CDK19: variants seen among roughly 807,000 people sequenced by gnomAD.
The protein encoded by CDK19 is cyclin dependent kinase 19.
A neutral mutation model predicts 68.3 loss-of-function variants in CDK19; 20 were observed. The observed-to-expected ratio is 0.29, with a 90% CI of 0.21 to 0.43. The LOEUF (loss-of-function observed/expected upper bound fraction) is 0.43. Ranked by LOEUF, CDK19 falls within the 20% of genes least tolerant of loss-of-function variation. The pLI, the probability that CDK19 is intolerant of heterozygous loss-of-function variation, is 1.00. For missense variants in CDK19, 339 were observed against 623.5 expected, an observed-to-expected ratio of 0.54 and a Z score of 4.86; for synonymous variants, 221 against 222.8, an observed-to-expected ratio of 0.99 and a Z score of 0.07.
chr6:110,639,542 G>T (rs1165890064), intron 4 of CDK19, among the ~76,000 whole-genome samples: 2 of 152,158 alleles, frequency 1.3e-5, no homozygotes, highest in Admixed American at 1.3e-4. Flanking sequence ...CTAACCTCCA[G>T]ACGCTTACTA....
intron 2 of CDK19, among the ~76,000 whole-genome samples, chr6:110,673,164 T>C (rs1771162637): frequency 1.3e-5 from 2 of 152,202 alleles, no homozygotes; most frequent in African/African-American, 4.8e-5. Flanking sequence ...TGACTGTTCT[T>C]GGTATGTAGC....
Position 110,785,703 on chromosome 6 carries a change from G to A in CDK19, c.128+29306C>T, listed in dbSNP as rs1004805656. Reference sequence around the variant, plus strand: ...ACTTTATAGAAATACATCATAGGCCGGGCGCGGTGGCTCACACCTGTAATC... The same window carrying A: ...ACTTTATAGAAATACATCATAGGCCAGGCGCGGTGGCTCACACCTGTAATC... On this transcript the variant is annotated intron_variant, in intron 1 of 12. Coordinates refer to ENST00000368911, the MANE Select transcript of CDK19 (RefSeq NM_015076.5). Among the ~76,000 whole-genome samples the A allele has an allele frequency of 3.9e-5, 6 of 152,132 alleles. No homozygotes were observed. The South Asian group carries it at 8.3e-4, about 21-fold the overall frequency.
At chr6:110,815,682 A>G (rs1783592508), upstream of CDK19, 1 of 152,438 alleles carries the variant, frequency 6.6e-6, no homozygotes, top group Admixed American at 6.6e-5. Flanking sequence ...AGAAAGCTCG[A>G]AGTTCCAGTG....
chr6:110,712,172 T>C (rs558253354), intron 2 of CDK19, among the ~76,000 whole-genome samples: 1 of 152,342 alleles, frequency 6.6e-6, no homozygotes, highest in South Asian at 2.1e-4. Flanking sequence ...GTTTGGGAAA[T>C]GCTGACTCCA....
chr6:110,791,376 G>C (rs999303362), intron 1 of CDK19, among the ~76,000 whole-genome samples: 21 of 152,010 alleles, frequency 1.4e-4, no homozygotes, highest in African/African-American at 4.8e-4. Context: ...TATAATTAAA[G>C]ATATTATTGA....
intron 2 of CDK19, among the ~76,000 whole-genome samples, chr6:110,743,214 A>G (rs2114861618): frequency 6.6e-6 from 1 of 152,350 alleles, no homozygotes; most frequent in Middle Eastern, 3.4e-3. Flanking sequence ...GTCACTGTGC[A>G]ATACCATCCA....
intron 1 of CDK19, among the ~76,000 whole-genome samples, chr6:110,777,659 C>T (rs544777031): frequency 2.6e-5 from 4 of 152,232 alleles, no homozygotes; most frequent in South Asian, 4.1e-4. Context: ...GTCAAAAGAA[C>T]GAAAAGCAGG....
chr6:110,644,461 G>T (rs1270509521), intron 4 of CDK19, among the ~76,000 whole-genome samples: 2 of 152,040 alleles, frequency 1.3e-5, no homozygotes, highest in Non-Finnish European at 2.9e-5. Context: ...GCACAACAGG[G>T]TGACTACAGT....
At chr6:110,671,264 A>C (rs187956065) in intron 2 of CDK19, among the ~76,000 whole-genome samples, 1 of 152,310 alleles carries the variant, frequency 6.6e-6, no homozygotes, top group South Asian at 2.1e-4. Context: ...CACTTTGCGC[A>C]TAACAGACAG....
chr6:110,768,436 C>T (rs1291025772), intron 1 of CDK19, among the ~76,000 whole-genome samples: 1 of 152,166 alleles, frequency 6.6e-6, no homozygotes, highest in Middle Eastern at 3.2e-3. Flanking sequence ...AACCTGCATA[C>T]AAATGTTTAT....
intron 4 of CDK19, among the ~76,000 whole-genome samples, chr6:110,654,154 C>T (rs1781153096): frequency 6.6e-6 from 1 of 152,128 alleles, no homozygotes; most frequent in Admixed American, 6.5e-5. Flanking sequence ...TTAGTGGTGA[C>T]ACAACTTTCC....
intron 4 of CDK19, among the ~76,000 whole-genome samples, chr6:110,649,591 T>C (rs1044051879): frequency 1.3e-5 from 2 of 152,020 alleles, no homozygotes. Flanking sequence ...CAGAAATATA[T>C]GCAACACATA....
chr6:110,708,953 CA>C (rs1774730082), intron 2 of CDK19, among the ~76,000 whole-genome samples: 1 of 152,172 alleles, frequency 6.6e-6, no homozygotes, highest in South Asian at 2.1e-4. Flanking sequence ...AGCAGCACAT[CA>C]AAAAGCTTAT....
chr6:110,628,646 T>A (rs1779247110), intron 6 of CDK19, among the ~76,000 whole-genome samples: 1 of 151,908 alleles, frequency 6.6e-6, no homozygotes, highest in South Asian at 2.1e-4. Flanking sequence ...CCTGGGGGGG[T>A]CTTGGGACAT....
intron 4 of CDK19, among the ~76,000 whole-genome samples, chr6:110,641,731 AG>A (rs1201948127): frequency 1.3e-5 from 2 of 152,012 alleles, no homozygotes; most frequent in Non-Finnish European, 2.9e-5. Context: ...CAATATAGAA[AG>A]AAAAATTGCA....
rs140583152 is a variant in CDK19 at position 110,693,377 on chromosome 6, G to A, written c.205-22836C>T. Among the ~76,000 whole-genome samples the A allele has an allele frequency of 4.6e-5, 7 of 152,352 alleles. No individual in the cohort carries two copies. The East Asian group carries it at 1.4e-3, about 29-fold the overall frequency. ...TACCTAGAGCCGAACTGGATTTAGT[G>A]AGCTAAGCAAAATATAAAAGTAGAA... On this transcript the variant is annotated intron_variant, in intron 2 of 12. Coordinates refer to ENST00000368911, the MANE Select transcript of CDK19 (RefSeq NM_015076.5).
At chr6:110,679,092 C>G (rs529305856) in intron 2 of CDK19, among the ~76,000 whole-genome samples, 1 of 151,998 alleles carries the variant, frequency 6.6e-6, no homozygotes, top group Non-Finnish European at 1.5e-5. Context: ...GAGGACCACT[C>G]AAGGCCAGGA....
Position 110,623,344 on chromosome 6 carries a change from G to A in CDK19, c.879C>T (p.Leu293=), listed in dbSNP as rs1004375167. The change falls in exon 9 of 13, where the codon CTC becomes CTT. Residue 293 remains leucine (L), a synonymous_variant. Transcript: ENST00000368911. ...CCTTGTGTTTCTCCATGTACTTTAT[G>A]AGGCTACTGTTGGCATACCTGCAAG... ...FRRTTYANSS[L]IKYMEKHKVK... 1.9e-6 allele frequency: 3 copies of A among 1,613,742 alleles called. No individual in the cohort carries two copies. The African/African-American group carries it at 4.0e-5, about 22-fold the overall frequency.
intron 1 of CDK19, among the ~76,000 whole-genome samples, chr6:110,792,291 A>AT (rs1207857613): frequency 6.6e-6 from 1 of 151,944 alleles, no homozygotes; most frequent in Non-Finnish European, 1.5e-5. Context: ...TTTTAATTTA[A>AT]TTTGAGAAAA....
Sources: allele counts gnomAD v4.1 joint callset (sites outside exome capture counted in the v4.1 genomes callset), GRCh38; gene constraint gnomAD v4.1.1; transcripts MANE v1.5; gene names NCBI Gene and HGNC (gene_info 2026-07-23, HGNC 2026-07-21).